Variants in RALGAPA1 observed in about 807,000 individuals in gnomAD.
RALGAPA1 encodes the protein ral GTPase-activating protein subunit alpha-1.
RALGAPA1 carries 52 observed loss-of-function variants against 269.6 expected under a neutral mutation model. That is an observed-to-expected ratio of 0.19 (90% CI 0.15 to 0.24). RALGAPA1 has a LOEUF of 0.24. Among genes scored for constraint, RALGAPA1 ranks in the 10% least tolerant of loss-of-function variants. The probability of loss-of-function intolerance (pLI) is 1.00; values close to 1 mark genes in which losing one functional copy is unlikely to be tolerated. For missense variants in RALGAPA1, 1,917 were observed against 3,013.9 expected (o/e 0.64, Z 8.52); for synonymous variants, 817 against 1,008.3 (o/e 0.81, Z 3.60).
chr14:35,768,354 T>C (rs1391698892), intron 4 of RALGAPA1, among the ~76,000 whole-genome samples: 1 of 152,194 alleles, frequency 6.6e-6, no homozygotes, highest in African/African-American at 2.4e-5. Context: ...AGTGCTGAGA[T>C]GACAGGCATG....
chr14:35,605,477 T>C, intron 36 of RALGAPA1, 109 bp downstream of exon 36: 1 of 1,157,348 alleles, frequency 8.6e-7, no homozygotes, highest in Non-Finnish European at 1.2e-6. Flanking sequence ...AACTAGTTGT[T>C]AAGTTGTTGT....
At chr14:35,635,427 T>C in intron 32 of RALGAPA1, 37 bp downstream of exon 32, 1 of 1,544,522 alleles carries the variant, frequency 6.5e-7, no homozygotes, top group Non-Finnish European at 8.7e-7. Context: ...TTAAAAACTC[T>C]TGGTTACCAA....
chr14:35,681,665 T>A (rs962524426), intron 21 of RALGAPA1, among the ~76,000 whole-genome samples: 9 of 152,328 alleles, frequency 5.9e-5, no homozygotes, highest in African/African-American at 2.2e-4. Context: ...ACATTTTTTT[T>A]AAACACACCC....
At chr14:35,792,447 A>G (rs532407117) in intron 1 of RALGAPA1, among the ~76,000 whole-genome samples, 1 of 151,828 alleles carries the variant, frequency 6.6e-6, no homozygotes, top group South Asian at 2.1e-4. Context: ...ATGAACCACC[A>G]TGCCAGCTAG....
intron 31 of RALGAPA1, among the ~76,000 whole-genome samples, chr14:35,642,303 A>C (rs536788973): frequency 6.6e-6 from 1 of 152,356 alleles, no homozygotes; most frequent in East Asian, 1.9e-4. Context: ...CAAAGTGAAG[A>C]GACAACCCAC....
At chr14:35,681,687 TAC>T (rs1307670947) in intron 21 of RALGAPA1, among the ~76,000 whole-genome samples, 1 of 152,194 alleles carries the variant, frequency 6.6e-6, no homozygotes, top group Non-Finnish European at 1.5e-5. Flanking sequence ...CCTTTAAGTA[TAC>T]AGTTATTTGA....
chr14:35,690,625 A>AT (rs2066398524), intron 17 of RALGAPA1, among the ~76,000 whole-genome samples: 1 of 152,198 alleles, frequency 6.6e-6, no homozygotes, highest in African/African-American at 2.4e-5. Context: ...AAGTCAATAT[A>AT]TTTTTTAAAA....
At position 35,689,654 on chromosome 14, in the gene RALGAPA1, T is replaced by C; in HGVS notation, c.2757A>G (p.Glu919=). ...TTTGTTCAAAAGCTGAATCTGCAAG[T>C]TCTACTGGACCTATTAAATGACAAA... The part of the protein sequence containing the change: ...DHLCHLIGPV[E]LADSAFEQIQ... Residue 919 remains glutamate (E), a synonymous_variant, in exon 18 of 42, where the codon GAA becomes GAG. Transcript: ENST00000680220. 3 of 1,271,174 alleles carry C rather than the reference T, an allele frequency of 2.4e-6. No individual in the cohort carries two copies. Among genetic ancestry groups the C allele is most frequent in the South Asian group, 3.3e-5 (1 of 30,638 alleles). 78.7% of individuals were successfully genotyped at this position (1,271,174 alleles called of 1,614,324 possible).
chr14:35,553,191 T>A (rs2055188552), intron 39 of RALGAPA1, among the ~76,000 whole-genome samples: 1 of 152,208 alleles, frequency 6.6e-6, no homozygotes, highest in Non-Finnish European at 1.5e-5. Flanking sequence ...TTGGCTCACA[T>A]CTTTGTAAAC....
At chr14:35,637,275 G>T (rs2061723482) in intron 31 of RALGAPA1, among the ~76,000 whole-genome samples, 1 of 152,122 alleles carries the variant, frequency 6.6e-6, no homozygotes, top group South Asian at 2.1e-4. Context: ...ACCTGACAGA[G>T]AATTCAAAAC....
intron 39 of RALGAPA1, among the ~76,000 whole-genome samples, chr14:35,562,492 T>C (rs2056343928): frequency 6.6e-6 from 1 of 152,138 alleles, no homozygotes; most frequent in African/African-American, 2.4e-5. Flanking sequence ...GTCTGAAAAT[T>C]ATCTTCAGTA....
Position 35,689,573 on chromosome 14 carries a change from A to G in RALGAPA1, c.2838T>C (p.Tyr946=), listed in dbSNP as rs2066303499. 4.8e-6 allele frequency: 6 copies of G among 1,241,498 alleles called. No individual in the cohort carries two copies. Among genetic ancestry groups the G allele is most frequent in the Non-Finnish European group, 6.0e-6 (6 of 994,452 alleles). 76.9% of individuals were successfully genotyped at this position (1,241,498 alleles called of 1,614,324 possible). A position where few individuals can be genotyped will look rare whatever the true frequency, so the allele number is the denominator to read the frequency against. Residue 946 remains tyrosine (Y), a synonymous_variant, in exon 18 of 42, where the codon TAT becomes TAC. Coordinates refer to ENST00000680220, the MANE Select transcript of RALGAPA1 (RefSeq NM_001346249.2). The part of the protein sequence containing the change: ...DDDLLSTLKE[Y]FKENQENHSK... Reference sequence around the variant, plus strand: ...TATGATTTTCCTGGTTTTCCTTAAAATATTCTTTCAGGGTGGAAAGAAGAT... The same window carrying G: ...TATGATTTTCCTGGTTTTCCTTAAAGTATTCTTTCAGGGTGGAAAGAAGAT...
chr14:35,546,239 C>A (rs193059425), intron 41 of RALGAPA1, among the ~76,000 whole-genome samples: 1 of 151,852 alleles, frequency 6.6e-6, no homozygotes, highest in East Asian at 1.9e-4. Context: ...GAAAGTAATA[C>A]GGAAAAATGT....
chr14:35,782,025 C>T (rs752473444), intron 1 of RALGAPA1, among the ~76,000 whole-genome samples: 2 of 152,014 alleles, frequency 1.3e-5, no homozygotes. Flanking sequence ...TTGTAAAGTC[C>T]AAAGCATTAC....
intron 1 of RALGAPA1, among the ~76,000 whole-genome samples, chr14:35,788,775 T>C (rs2075969546): frequency 1.3e-5 from 2 of 152,214 alleles, no homozygotes; most frequent in Non-Finnish European, 2.9e-5. Flanking sequence ...TTTTTCTCTA[T>C]TACATTATGG....
Position 35,674,322 on chromosome 14 carries a change from A to C in RALGAPA1, c.4819-44T>G, listed in dbSNP as rs568569503. On this transcript the variant is annotated intron_variant, in intron 23 of 41. Coordinates refer to ENST00000680220, the MANE Select transcript of RALGAPA1 (RefSeq NM_001346249.2). ...AAGCAACAAACCTAAGAAAACTGTT[A>C]TCTCTTCCAGTTTACCTTAAACTGA... The C allele has an allele frequency of 4.0e-5, 59 of 1,483,258 alleles. No homozygotes were observed. The South Asian group carries it at 6.7e-4, about 17-fold the overall frequency. 91.9% of individuals were successfully genotyped at this position (1,483,258 alleles called of 1,614,324 possible). A position where few individuals can be genotyped will look rare whatever the true frequency, so the allele number is the denominator to read the frequency against.
intron 12 of RALGAPA1, among the ~76,000 whole-genome samples, chr14:35,737,699 C>T (rs2071131638): frequency 8.1e-6 from 1 of 123,546 alleles, no homozygotes; most frequent in Non-Finnish European, 1.6e-5. Context: ...GCAGAGGTTG[C>T]AGTGAGCCGA....
chr14:35,654,921 A>T (rs951899013), intron 29 of RALGAPA1, among the ~76,000 whole-genome samples: 2 of 152,116 alleles, frequency 1.3e-5, no homozygotes, highest in African/African-American at 2.4e-5. Flanking sequence ...TTTCACCCAC[A>T]CTTCAAACCC....
chr14:35,773,538 T>A (rs2074793371), intron 3 of RALGAPA1, among the ~76,000 whole-genome samples: 1 of 152,098 alleles, frequency 6.6e-6, no homozygotes, highest in South Asian at 2.1e-4. Context: ...CCAAAAGGGC[T>A]TCTATTAACT....
Sources: allele counts gnomAD v4.1 joint callset (sites outside exome capture counted in the v4.1 genomes callset), GRCh38; gene constraint gnomAD v4.1.1; transcripts MANE v1.5; gene names NCBI Gene and HGNC (gene_info 2026-07-23, HGNC 2026-07-21).